The following MAGI2 variants were observed in gnomAD, a reference collection of about 807,000 sequenced individuals.
MAGI2 encodes membrane associated guanylate kinase, WW and PDZ domain containing 2.
Under a neutral mutation model 133.3 loss-of-function variants are expected in MAGI2, and 35 were observed. The observed-to-expected ratio is 0.26, with a 90% CI of 0.20 to 0.35. The LOEUF is 0.35. Among genes scored for constraint, MAGI2 ranks in the 10% least tolerant of loss-of-function variants. The pLI, the probability that MAGI2 is intolerant of heterozygous loss-of-function variation, is 1.00. For missense variants in MAGI2, 1,636 were observed against 1,863.4 expected, an observed-to-expected ratio of 0.88 and a Z score of 2.25; for synonymous variants, 729 against 710.6, an observed-to-expected ratio of 1.03 and a Z score of -0.41.
chr7:78,760,505 G>C (rs1824400371), intron 2 of MAGI2, among the ~76,000 whole-genome samples: 1 of 151,880 alleles, frequency 6.6e-6, no homozygotes, highest in Non-Finnish European at 1.5e-5. Flanking sequence ...TGGGGTTACA[G>C]ATATGCACCA....
chr7:78,573,237 T>TATAA (rs1801782840), intron 3 of MAGI2, among the ~76,000 whole-genome samples: 1 of 64,374 alleles, frequency 1.6e-5, no homozygotes, highest in African/African-American at 7.4e-5. Context: ...AATATAAATA[T>TATAA]ATATATATAA....
chr7:78,532,681 G>A (rs1278719169), intron 3 of MAGI2, among the ~76,000 whole-genome samples: 2 of 152,136 alleles, frequency 1.3e-5, no homozygotes, highest in Non-Finnish European at 1.5e-5. Flanking sequence ...GTTAGAGTAT[G>A]GTTAACATTA....
At chr7:79,208,661 C>T (rs1018486802) in intron 1 of MAGI2, among the ~76,000 whole-genome samples, 1 of 151,902 alleles carries the variant, frequency 6.6e-6, no homozygotes, top group Non-Finnish European at 1.5e-5. Flanking sequence ...CCATATGATC[C>T]AGCAATCCAA....
At chr7:78,494,630 T>A (rs1344914656) in intron 5 of MAGI2, among the ~76,000 whole-genome samples, 1 of 152,204 alleles carries the variant, frequency 6.6e-6, no homozygotes, top group Non-Finnish European at 1.5e-5. Flanking sequence ...TTCTTTCTGT[T>A]TTCTTTTCTT....
chr7:79,322,404 C>T (rs1839253296), intron 1 of MAGI2, among the ~76,000 whole-genome samples: 1 of 152,078 alleles, frequency 6.6e-6, no homozygotes, highest in Admixed American at 6.6e-5. Context: ...GGAGTCCAGA[C>T]TCTGAAGCCA....
intron 2 of MAGI2, among the ~76,000 whole-genome samples, chr7:78,885,028 C>G (rs1191547106): frequency 1.3e-5 from 2 of 152,064 alleles, no homozygotes; most frequent in African/African-American, 4.8e-5. Context: ...CAACTGGAGG[C>G]CATCATCCTA....
At chr7:79,121,713 T>C (rs1819922184) in intron 1 of MAGI2, among the ~76,000 whole-genome samples, 1 of 152,176 alleles carries the variant, frequency 6.6e-6, no homozygotes, top group Non-Finnish European at 1.5e-5. Context: ...TTAATACTCA[T>C]AAATTTTCTT....
At position 79,019,543 on chromosome 7, in the gene MAGI2, CT is replaced by C. The variant is rs577630283; in HGVS notation, c.302-12338del. Among the ~76,000 whole-genome samples the C allele has an allele frequency of 1.5e-3, 230 of 151,868 alleles. 1 individual carries two copies. The highest frequency in any genetic ancestry group is 5.3e-3 in the African/African-American group (219 of 41,448). On this transcript the variant is annotated intron_variant, in intron 1 of 21. Coordinates refer to ENST00000354212, the MANE Select transcript of MAGI2 (RefSeq NM_012301.4). Reference sequence around the variant, plus strand: ...TTGGGTATTTCTTTTTTCTGTTTTTCTTTTTTTCTTTCTTTTTTTTTGAGAT... The same window carrying C: ...TTGGGTATTTCTTTTTTCTGTTTTTCTTTTTTCTTTCTTTTTTTTTGAGAT...
intron 18 of MAGI2, among the ~76,000 whole-genome samples, chr7:78,130,167 T>C (rs533852349): frequency 6.6e-6 from 1 of 152,264 alleles, no homozygotes; most frequent in East Asian, 1.9e-4. Context: ...CCTTGAATAG[T>C]GTTTTTGCTT....
At chr7:78,716,676 G>A (rs1819734975) in intron 2 of MAGI2, among the ~76,000 whole-genome samples, 1 of 152,152 alleles carries the variant, frequency 6.6e-6, no homozygotes, top group Non-Finnish European at 1.5e-5. Flanking sequence ...TTTATCATGT[G>A]TGCTTAAGAA....
chr7:78,672,129 T>G (rs1814462304), intron 2 of MAGI2, among the ~76,000 whole-genome samples: 1 of 152,188 alleles, frequency 6.6e-6, no homozygotes, highest in African/African-American at 2.4e-5. Context: ...TTTGGATGTT[T>G]GGCCCCTCCA....
chr7:78,037,599 T>C (rs2906513), intron 21 of MAGI2, among the ~76,000 whole-genome samples: 60,308 of 152,080 alleles, frequency 0.4, 12,260 homozygotes, highest in Non-Finnish European at 0.41. Context: ...AGTTTTTTCA[T>C]TGGAGCCACT....
intron 2 of MAGI2, among the ~76,000 whole-genome samples, chr7:78,697,076 T>A (rs562096091): frequency 6.6e-6 from 1 of 152,352 alleles, no homozygotes; most frequent in South Asian, 2.1e-4. Flanking sequence ...GAAACTATAA[T>A]TTGCCAATTG....
chr7:78,420,765 T>A (rs1225775147), intron 6 of MAGI2, among the ~76,000 whole-genome samples: 1 of 152,196 alleles, frequency 6.6e-6, no homozygotes, highest in East Asian at 1.9e-4. Flanking sequence ...CCTGGCCATA[T>A]CATTTAATTA....
intron 2 of MAGI2, among the ~76,000 whole-genome samples, chr7:78,733,389 C>T (rs1198585273): frequency 6.6e-6 from 1 of 152,042 alleles, no homozygotes; most frequent in Non-Finnish European, 1.5e-5. Flanking sequence ...TTTTATAATG[C>T]ATGTGAACAA....
At chr7:79,064,315 A>G (rs1814088717) in intron 1 of MAGI2, among the ~76,000 whole-genome samples, 1 of 152,026 alleles carries the variant, frequency 6.6e-6, no homozygotes, top group Non-Finnish European at 1.5e-5. Context: ...GAAAGAAAAA[A>G]CAAGGATGTC....
intron 21 of MAGI2, among the ~76,000 whole-genome samples, chr7:78,072,353 C>A (rs1411502942): frequency 1.3e-5 from 2 of 152,116 alleles, no homozygotes; most frequent in Non-Finnish European, 2.9e-5. Flanking sequence ...AGAGCAGATC[C>A]TTTGAGACCT....
At chr7:79,159,424 G>A (rs28548129) in intron 1 of MAGI2, among the ~76,000 whole-genome samples, 1,569 of 150,558 alleles carry the variant, frequency 0.01, 29 homozygotes, top group African/African-American at 0.037. Context: ...GGCTGAGGCA[G>A]AAGAATGTCT....
At chr7:79,086,424 A>C (rs753430509) in intron 1 of MAGI2, among the ~76,000 whole-genome samples, 4 of 151,916 alleles carry the variant, frequency 2.6e-5, no homozygotes, top group Non-Finnish European at 5.9e-5. Context: ...AGATCTCAGA[A>C]AACAGATATA....
Sources: allele counts gnomAD v4.1 joint callset (sites outside exome capture counted in the v4.1 genomes callset), GRCh38; gene constraint gnomAD v4.1.1; transcripts MANE v1.5; gene names NCBI Gene and HGNC (gene_info 2026-07-23, HGNC 2026-07-21).